The following HACL1 variants were observed in gnomAD, a reference collection of about 807,000 sequenced individuals.
HACL1 encodes the protein 2-hydroxyacyl-CoA lyase 1.
HACL1 carries 64 observed loss-of-function variants against 74.2 expected under a neutral mutation model. The ratio of observed to expected loss-of-function variants is 0.86; its 90% confidence interval spans 0.70 to 1.06. The LOEUF is 1.06. Among genes scored for constraint, HACL1 ranks in the 50% least tolerant of loss-of-function variants. HACL1 has a pLI of 0.00. For synonymous variants in HACL1, 230 were observed against 238.8 expected (o/e 0.96, Z 0.34); for missense variants, 728 against 719.7 (o/e 1.01, Z -0.13).
chr3:15,578,369 T>C (rs1324759198), intron 9 of HACL1, among the ~76,000 whole-genome samples: 1 of 152,118 alleles, frequency 6.6e-6, no homozygotes, highest in Non-Finnish European at 1.5e-5. Context: ...TATAGTATAT[T>C]AAAAAGCATG....
At chr3:15,577,295 G>A (rs1180720613) in intron 9 of HACL1, among the ~76,000 whole-genome samples, 1 of 151,654 alleles carries the variant, frequency 6.6e-6, no homozygotes, top group Non-Finnish European at 1.5e-5. Context: ...GTCCAGCCTG[G>A]GCAACACAGT....
intron 3 of HACL1, among the ~76,000 whole-genome samples, chr3:15,594,764 C>T (rs1401330578): frequency 1.3e-5 from 2 of 152,194 alleles, no homozygotes; most frequent in Non-Finnish European, 2.9e-5. Flanking sequence ...GTAAACAAGT[C>T]ATACGGCTCG....
At chr3:15,570,639 C>CAA in intron 12 of HACL1, among the ~76,000 whole-genome samples, 1 of 150,818 alleles carries the variant, frequency 6.6e-6, no homozygotes, top group Admixed American at 6.6e-5. Context: ...CACATGCACA[C>CAA]ACACACACAC....
chr3:15,589,413 C>T, intron 5 of HACL1, 127 bp downstream of exon 5: 1 of 578,650 alleles, frequency 1.7e-6, no homozygotes, highest in Non-Finnish European at 3.2e-6. Context: ...GGGAAGATTG[C>T]TTGAGGTCAG....
At chr3:15,565,862 T>C (rs2063426315) in intron 14 of HACL1, among the ~76,000 whole-genome samples, 1 of 152,270 alleles carries the variant, frequency 6.6e-6, no homozygotes, top group Non-Finnish European at 1.5e-5. Flanking sequence ...AAATTGGATC[T>C]GTACTCAACA....
At chr3:15,578,748 G>A (rs1165718283) in intron 9 of HACL1, among the ~76,000 whole-genome samples, 1 of 152,184 alleles carries the variant, frequency 6.6e-6, no homozygotes, top group African/African-American at 2.4e-5. Flanking sequence ...TGAGGCAAGA[G>A]GGATTGGGAA....
chr3:15,586,745 G>C (rs1379605054), intron 5 of HACL1, 143 bp from the exon 6 acceptor site: 1 of 546,288 alleles, frequency 1.8e-6, no homozygotes, highest in Non-Finnish European at 3.3e-6. Context: ...TCCCTTAAAA[G>C]CCTATTCAAA....
chr3:15,579,375 T>C (rs189908142), intron 9 of HACL1, among the ~76,000 whole-genome samples: 210 of 152,008 alleles, frequency 1.4e-3, no homozygotes, highest in African/African-American at 4.8e-3. Flanking sequence ...AAAAATATTC[T>C]TAAAAGAAAT....
rs2063855552 is a variant in HACL1 at position 15,589,656 on chromosome 3, A to T, written c.309-44T>A. The T allele has an allele frequency of 3.4e-6, 4 of 1,168,100 alleles. No homozygotes were observed. The East Asian group carries it at 9.3e-5, about 27-fold the overall frequency. 72.4% of individuals were successfully genotyped at this position (1,168,100 alleles called of 1,614,324 possible). ...TAACAAGATAATTACAAATTAGATC[A>T]TCATGTAAAACACTAAACACAGTGT... On this transcript the variant is annotated intron_variant, in intron 4 of 16. Coordinates refer to ENST00000321169, the MANE Select transcript of HACL1 (RefSeq NM_012260.4).
In HACL1 at chr3:15,576,064, A is replaced by G. The variant is rs560750049; in HGVS notation, c.804-982T>C. On this transcript the variant is annotated intron_variant, in intron 9 of 16. Coordinates refer to ENST00000321169, the MANE Select transcript of HACL1 (RefSeq NM_012260.4). ...CCAGCTACTCAGGAGGCTGAGGCAG[A>G]AGAATTGCTTGAGCTCGGGAGGTCG... Among the ~76,000 whole-genome samples the G allele has an allele frequency of 1.9e-3, 149 of 80,112 alleles. 2 individuals carry two copies. The highest frequency in any genetic ancestry group is 7.3e-3 in the African/African-American group (142 of 19,496). 52.6% of individuals were successfully genotyped at this position (80,112 alleles called of 152,430 possible).
intron 7 of HACL1, 78 bp from the exon 8 acceptor site, chr3:15,583,067 G>A: frequency 2.9e-6 from 2 of 688,532 alleles, no homozygotes; most frequent in East Asian, 2.7e-5. Context: ...TATATAGAAA[G>A]GTAGAAAAAA....
intron 5 of HACL1, among the ~76,000 whole-genome samples, chr3:15,587,160 G>C (rs2063809738): frequency 6.6e-6 from 1 of 151,068 alleles, no homozygotes; most frequent in African/African-American, 2.4e-5. Context: ...TGATGTTTTA[G>C]TATGAAATCT....
At chr3:15,588,377 G>A (rs2063828810) in intron 5 of HACL1, among the ~76,000 whole-genome samples, 1 of 152,124 alleles carries the variant, frequency 6.6e-6, no homozygotes, top group Non-Finnish European at 1.5e-5. Context: ...TGGATCACTT[G>A]AGGTCAGGAG....
chr3:15,571,647 C>T (rs372871340), intron 12 of HACL1, 21 bp downstream of exon 12: 7 of 969,202 alleles, frequency 7.2e-6, no homozygotes, highest in Non-Finnish European at 1.0e-5. Flanking sequence ...TGTTATTGAG[C>T]GTCAGTAGGT....
chr3:15,588,091 A>G (rs1334159385), intron 5 of HACL1, among the ~76,000 whole-genome samples: 2 of 151,888 alleles, frequency 1.3e-5, no homozygotes, highest in African/African-American at 4.8e-5. Flanking sequence ...ACAGAGTTTC[A>G]CCATGTTGGC....
chr3:15,591,996 TATATACTATATAC>T (rs2063910343), intron 3 of HACL1, among the ~76,000 whole-genome samples: 5 of 148,618 alleles, frequency 3.4e-5, no homozygotes, highest in African/African-American at 1.2e-4. Flanking sequence ...ATACCTATAG[TATATACTATATAC>T]GTATATATAC....
intron 3 of HACL1, chr3:15,596,132 T>C (rs2064058344): frequency 2.4e-6 from 1 of 423,076 alleles, no homozygotes; most frequent in South Asian, 3.1e-5. Context: ...CAAGACAAGG[T>C]ATCATACATC....
Position 15,591,562 on chromosome 3 carries a change from T to C in HACL1, c.308+38A>G, listed in dbSNP as rs368671174. The C allele has an allele frequency of 2.3e-4, 294 of 1,287,386 alleles. 4 individuals carry two copies. The South Asian group carries it at 3.1e-3, about 14-fold the overall frequency. 79.7% of individuals were successfully genotyped at this position (1,287,386 alleles called of 1,614,324 possible). On this transcript the variant is annotated intron_variant, in intron 4 of 16. Coordinates refer to ENST00000321169, the MANE Select transcript of HACL1 (RefSeq NM_012260.4). ...ACTCAGTAAAATCCTGCAGTGACCT[T>C]TTTAAGAAAATGTTTTCAGTAATAA...
At chr3:15,583,691 T>G (rs189631042) in intron 7 of HACL1, among the ~76,000 whole-genome samples, 1,733 of 149,738 alleles carry the variant, frequency 0.012, 110 homozygotes, top group Admixed American at 0.085. Flanking sequence ...AGAGTCTTAC[T>G]CTGTCACCCA....
Sources: allele counts gnomAD v4.1 joint callset (sites outside exome capture counted in the v4.1 genomes callset), GRCh38; gene constraint gnomAD v4.1.1; transcripts MANE v1.5; gene names NCBI Gene and HGNC (gene_info 2026-07-23, HGNC 2026-07-21).